Variants in WDR72 observed in about 807,000 individuals in gnomAD.
WDR72 encodes WD repeat domain 72, also known as WD repeat-containing protein 72.
Under a neutral mutation model 124.2 loss-of-function variants are expected in WDR72, and 120 were observed. That is an observed-to-expected ratio of 0.97 (90% confidence interval 0.83 to 1.12). WDR72 has a LOEUF of 1.12. Among genes scored for constraint, WDR72 ranks in the 50% most tolerant of loss-of-function variants. The probability of loss-of-function intolerance (pLI) is 0.00; values close to 1 mark genes in which losing one functional copy is unlikely to be tolerated. For synonymous variants in WDR72, 452 were observed against 441.7 expected, an observed-to-expected ratio of 1.02 and a Z score of -0.29; for missense variants, 1,387 against 1,278.8, an observed-to-expected ratio of 1.08 and a Z score of -1.29.
At chr15:53,535,171 T>C (rs1042111600) in intron 18 of WDR72, among the ~76,000 whole-genome samples, 1 of 152,188 alleles carries the variant, frequency 6.6e-6, no homozygotes, top group Admixed American at 6.5e-5. Flanking sequence ...TTTTACATAA[T>C]AGAACCATTT....
intron 3 of WDR72, among the ~76,000 whole-genome samples, chr15:53,718,220 AG>A (rs1329157369): frequency 2.9e-5 from 4 of 136,430 alleles, no homozygotes; most frequent in Non-Finnish European, 5.9e-5. Context: ...GGTTTTGAAA[AG>A]CACCTGGTCA....
intron 1 of WDR72, among the ~76,000 whole-genome samples, chr15:53,745,687 TG>T (rs1247172435): frequency 6.6e-6 from 1 of 152,178 alleles, no homozygotes; most frequent in Non-Finnish European, 1.5e-5. Context: ...ATTTTTCATC[TG>T]AAATTCAAAT....
intron 1 of WDR72, among the ~76,000 whole-genome samples, chr15:53,753,451 T>C (rs1014612768): frequency 1.3e-5 from 2 of 152,326 alleles, no homozygotes; most frequent in East Asian, 3.9e-4. Flanking sequence ...AAACAGACTT[T>C]CATCAGCAAG....
chr15:53,604,321 A>T (rs1307636026), intron 17 of WDR72, among the ~76,000 whole-genome samples: 1 of 152,208 alleles, frequency 6.6e-6, no homozygotes, highest in Non-Finnish European at 1.5e-5. Flanking sequence ...ACCATATACA[A>T]AAATTAACTC....
At chr15:53,709,182 C>G (rs922169378) in intron 9 of WDR72, among the ~76,000 whole-genome samples, 2 of 152,206 alleles carry the variant, frequency 1.3e-5, no homozygotes, top group Non-Finnish European at 2.9e-5. Context: ...AGGACTCTTA[C>G]ATTTAGTGAA....
chr15:53,705,651 C>T (rs1183709838), intron 10 of WDR72, among the ~76,000 whole-genome samples: 2 of 151,914 alleles, frequency 1.3e-5, no homozygotes, highest in Non-Finnish European at 2.9e-5. Flanking sequence ...TTAGTAGAGA[C>T]GGGGTTTCAC....
At chr15:53,634,640 C>A (rs1416374243) in intron 14 of WDR72, among the ~76,000 whole-genome samples, 3 of 152,256 alleles carry the variant, frequency 2.0e-5, no homozygotes, top group African/African-American at 4.8e-5. Context: ...GAAAAGGGGG[C>A]CCTAGCAGAA....
chr15:53,612,146 C>G (rs567528417), intron 16 of WDR72, among the ~76,000 whole-genome samples: 6 of 152,244 alleles, frequency 3.9e-5, no homozygotes, highest in East Asian at 1.9e-4. Context: ...AACCACTGTT[C>G]TAGTCATTAT....
At chr15:53,553,062 T>C (rs1314437900) in intron 18 of WDR72, among the ~76,000 whole-genome samples, 1 of 152,124 alleles carries the variant, frequency 6.6e-6, no homozygotes, top group Non-Finnish European at 1.5e-5. Flanking sequence ...TTAAAAATAA[T>C]GGCTTTCTTT....
intron 15 of WDR72, among the ~76,000 whole-genome samples, chr15:53,614,680 C>T (rs930274207): frequency 6.6e-6 from 1 of 152,058 alleles, no homozygotes; most frequent in African/African-American, 2.4e-5. Context: ...AGTCCCTCAT[C>T]TGCTCTGTGG....
At chr15:53,517,819 CAAGAG>C (rs1358078637) in intron 19 of WDR72, 65 bp from the exon 20 acceptor site, 1 of 1,469,946 alleles carries the variant, frequency 6.8e-7, no homozygotes, top group Non-Finnish European at 9.5e-7. Context: ...AGAGAAAGAC[CAAGAG>C]GAGGGGAGGG....
intron 14 of WDR72, among the ~76,000 whole-genome samples, chr15:53,640,513 A>C (rs1035119512): frequency 6.6e-6 from 1 of 152,176 alleles, no homozygotes; most frequent in East Asian, 1.9e-4. Context: ...GCATTTTTCC[A>C]TTCTTTTTCT....
intron 16 of WDR72, among the ~76,000 whole-genome samples, chr15:53,611,241 T>A (rs1039479169): frequency 6.6e-6 from 1 of 152,094 alleles, no homozygotes; most frequent in African/African-American, 2.4e-5. Context: ...TAACCTTCCA[T>A]CTTCCTATTA....
chr15:53,705,817 CAATA>C, intron 10 of WDR72, 106 bp downstream of exon 10: 1 of 1,300,568 alleles, frequency 7.7e-7, no homozygotes, highest in Non-Finnish European at 1.1e-6. Context: ...TAGTAGTACA[CAATA>C]AATTTTTCTT....
chr15:53,539,117 A>T (rs1187499138), intron 18 of WDR72, among the ~76,000 whole-genome samples: 1 of 152,182 alleles, frequency 6.6e-6, no homozygotes, highest in Non-Finnish European at 1.5e-5. Context: ...GAGAAAGAAA[A>T]AATTGAACTA....
Position 53,699,905 on chromosome 15 carries a change from T to C in WDR72, c.1610A>G (p.His537Arg), listed in dbSNP as rs760898668. Residue 537 changes from histidine to arginine, a missense_variant, in exon 13 of 20, where the codon CAT becomes CGT. His to Arg is a conservative substitution (Grantham distance 29, BLOSUM62 0). Coordinates refer to ENST00000360509, the MANE Select transcript of WDR72 (RefSeq NM_182758.4). ...EQIICCVCGD[H>R]SVALLHLEGK... ...CTCAAGGTGAAGGAGAGCCACGGAA[T>C]GGTCACCGCACACACAGCAAATTAT... The C allele has an allele frequency of 4.3e-6, 7 of 1,614,062 alleles. No individual in the cohort carries two copies. In the South Asian group the frequency reaches 7.7e-5, roughly 18 times the overall value.
At chr15:53,669,812 C>T (rs2015926216) in intron 13 of WDR72, among the ~76,000 whole-genome samples, 1 of 152,204 alleles carries the variant, frequency 6.6e-6, no homozygotes, top group Admixed American at 6.5e-5. Flanking sequence ...TACAGAATAG[C>T]TACTGTTTCC....
At chr15:53,760,471 T>C (rs1304107393), upstream of WDR72, among the ~76,000 whole-genome samples, 2 of 152,298 alleles carry the variant, frequency 1.3e-5, no homozygotes, top group East Asian at 3.9e-4. Flanking sequence ...CTTAACATAA[T>C]GATCTCCAGT....
intron 18 of WDR72, among the ~76,000 whole-genome samples, chr15:53,541,941 G>GA (rs1251968476): frequency 1.7e-5 from 2 of 118,006 alleles, no homozygotes; most frequent in Non-Finnish European, 3.5e-5. Flanking sequence ...GAAGTTTAGA[G>GA]AAAAAAGAAT....
Sources: gnomAD v4.1 joint callset for allele counts (sites outside exome capture counted in the v4.1 genomes callset) on GRCh38, gnomAD v4.1.1 for gene constraint, MANE v1.5 for transcripts, NCBI Gene and HGNC (gene_info 2026-07-23, HGNC 2026-07-21) for gene names.